The following CSMD2 variants were observed in gnomAD, a reference collection of about 807,000 sequenced individuals.
The protein encoded by CSMD2 is CUB and sushi domain-containing protein 2.
Under a neutral mutation model 398.5 loss-of-function variants are expected in CSMD2, and 130 were observed. The observed-to-expected ratio is 0.33, with a 90% CI of 0.28 to 0.38. The LOEUF (loss-of-function observed/expected upper bound fraction) is 0.38, where lower values mean the gene tolerates loss of function less well. Among genes scored for constraint, CSMD2 ranks in the 10% least tolerant of loss-of-function variants. The pLI is 1.00. For synonymous variants in CSMD2, 1,828 were observed against 1,908.5 expected (o/e 0.96, Z 1.10); for missense variants, 3,829 against 4,764.9 (o/e 0.80, Z 5.78).
intron 2 of CSMD2, among the ~76,000 whole-genome samples, chr1:34,057,354 T>C (rs530598396): frequency 6.6e-6 from 1 of 152,280 alleles, no homozygotes; most frequent in South Asian, 2.1e-4. Context: ...GGCAGGAAGC[T>C]TCCCTTTTCC....
intron 40 of CSMD2, among the ~76,000 whole-genome samples, chr1:33,612,220 T>C (rs1439131161): frequency 2.0e-5 from 3 of 152,168 alleles, no homozygotes; most frequent in Non-Finnish European, 2.9e-5. Flanking sequence ...AGATTATAGA[T>C]GGATTTTCAT....
At chr1:33,792,611 T>C in intron 10 of CSMD2, 85 bp from the exon 11 acceptor site, 1 of 868,756 alleles carries the variant, frequency 1.2e-6, no homozygotes, top group Non-Finnish European at 2.0e-6. Context: ...ATTTTCTGTG[T>C]TATGTCCCAA....
At chr1:33,661,117 G>A (rs973251037) in intron 26 of CSMD2, among the ~76,000 whole-genome samples, 31 of 152,312 alleles carry the variant, frequency 2.0e-4, no homozygotes, top group East Asian at 9.7e-4. Flanking sequence ...ACTCTGTCCC[G>A]CGTGGCTACA....
At chr1:33,958,861 CGTG>C (rs1490874740) in intron 3 of CSMD2, among the ~76,000 whole-genome samples, 1 of 151,968 alleles carries the variant, frequency 6.6e-6, no homozygotes, top group Non-Finnish European at 1.5e-5. Context: ...CTGCTATGTG[CGTG>C]GTGATTTTTT....
At chr1:34,162,868 T>A (rs551428759) in intron 1 of CSMD2, among the ~76,000 whole-genome samples, 3 of 151,706 alleles carry the variant, frequency 2.0e-5, no homozygotes, top group African/African-American at 7.3e-5. Flanking sequence ...TTAAAAAAAA[T>A]TTAAAAAGAA....
At chr1:34,081,802 C>T (rs1398905835) in intron 2 of CSMD2, among the ~76,000 whole-genome samples, 10 of 152,314 alleles carry the variant, frequency 6.6e-5, no homozygotes, top group South Asian at 4.1e-4. Flanking sequence ...CTGACATTGC[C>T]GCCTCTGCAT....
In CSMD2 at chr1:34,030,163, G is replaced by C. The variant is rs151256357; in HGVS notation, c.517+2431C>G. On this transcript the variant is annotated intron_variant, in intron 3 of 70. Coordinates refer to ENST00000373381, the MANE Select transcript of CSMD2 (RefSeq NM_001281956.2). ...TGTGGTTGCTGAACATTTGACACAAGGCTAGTGTGACTAAGAAACTGAATT... is the reference window on the plus strand; with the variant it reads ...TGTGGTTGCTGAACATTTGACACAACGCTAGTGTGACTAAGAAACTGAATT... 2.3e-3 allele frequency among the ~76,000 whole-genome samples: 353 copies of C among 152,292 alleles called. 3 individuals are homozygous for C. The highest frequency in any genetic ancestry group is 8.0e-3 in the African/African-American group (333 of 41,560).
chr1:33,680,374 T>C (rs1571203546), intron 25 of CSMD2, among the ~76,000 whole-genome samples: 1 of 152,136 alleles, frequency 6.6e-6, no homozygotes. Context: ...TTACGGCTCC[T>C]GCTTTCCCTG....
intron 1 of CSMD2, among the ~76,000 whole-genome samples, chr1:34,110,177 TAAA>T (rs1033103808): frequency 4.0e-5 from 6 of 151,726 alleles, no homozygotes; most frequent in Admixed American, 1.3e-4. Flanking sequence ...TGGCTACTAT[TAAA>T]AAGTAAAAAA....
intron 5 of CSMD2, among the ~76,000 whole-genome samples, chr1:33,858,323 C>G (rs1639240949): frequency 6.6e-6 from 1 of 152,180 alleles, no homozygotes; most frequent in Non-Finnish European, 1.5e-5. Flanking sequence ...ATTTAGATAA[C>G]TTTTTCTCCT....
chr1:34,096,475 C>T (rs1238319231), intron 1 of CSMD2, among the ~76,000 whole-genome samples: 11 of 150,368 alleles, frequency 7.3e-5, no homozygotes, highest in Non-Finnish European at 2.9e-5. Context: ...CAAATTGTCC[C>T]TCTTTGCAGA....
intron 3 of CSMD2, among the ~76,000 whole-genome samples, chr1:34,003,425 C>T (rs1427649968): frequency 6.6e-6 from 1 of 152,084 alleles, no homozygotes; most frequent in Admixed American, 6.6e-5. Context: ...AATAAATAAT[C>T]CCCATTACAC....
At chr1:33,851,494 C>G (rs951770523) in intron 5 of CSMD2, among the ~76,000 whole-genome samples, 1 of 152,192 alleles carries the variant, frequency 6.6e-6, no homozygotes, top group Admixed American at 6.5e-5. Context: ...CACCTTATCC[C>G]CACTCCCAAG....
At chr1:33,547,939 G>A (rs1459127389) in intron 56 of CSMD2, among the ~76,000 whole-genome samples, 1 of 152,240 alleles carries the variant, frequency 6.6e-6, no homozygotes, top group Non-Finnish European at 1.5e-5. Flanking sequence ...TTGGGGAAGA[G>A]ACCTGGTGAG....
chr1:33,582,610 T>C (rs956841447), intron 47 of CSMD2, among the ~76,000 whole-genome samples: 2 of 152,192 alleles, frequency 1.3e-5, no homozygotes, highest in African/African-American at 2.4e-5. Context: ...CAGAATATTA[T>C]AGAAAATGGA....
intron 32 of CSMD2, among the ~76,000 whole-genome samples, chr1:33,628,817 C>T (rs1642288339): frequency 6.6e-6 from 1 of 151,636 alleles, no homozygotes; most frequent in East Asian, 1.9e-4. Context: ...TAATTAACAA[C>T]AACAAAAAAA....
In CSMD2 at chr1:33,743,584, G is replaced by A; in HGVS notation, c.1869C>T (p.Thr623=). The part of the protein sequence containing the change: ...GCVFSCFFNF[T]SPSGVVLSPN... ...GAGACAGGACAACCCCAGACGGGCT[G>A]GTGAAGTTGAAGAAGCAGGAGACTG... The change falls in exon 14 of 71, where the codon ACC becomes ACT. Residue 623 remains threonine (T), a synonymous_variant. Coordinates refer to ENST00000373381, the MANE Select transcript of CSMD2 (RefSeq NM_001281956.2). 2.5e-6 allele frequency: 4 copies of A among 1,602,210 alleles called. No homozygotes were observed. Among genetic ancestry groups the A allele is most frequent in the Non-Finnish European group, 2.6e-6 (3 of 1,171,540 alleles).
Position 33,914,304 on chromosome 1 carries a change from A to G in CSMD2, c.920+3790T>C, listed in dbSNP as rs74069791. 2.7e-3 allele frequency among the ~76,000 whole-genome samples: 412 copies of G among 152,104 alleles called. 3 individuals are homozygous for G. Among genetic ancestry groups the G allele is most frequent in the African/African-American group, 9.4e-3 (389 of 41,492 alleles). On this transcript the variant is annotated intron_variant, in intron 5 of 70. Transcript: ENST00000373381. ...GGGGACAGGTGTGTACATGTGCTTA[A>G]GGTGGTCTGGGGGTGAGGGATGACT...
chr1:33,569,332 A>G (rs750709721), intron 52 of CSMD2, 42 bp downstream of exon 52: 2 of 1,574,612 alleles, frequency 1.3e-6, no homozygotes, highest in Admixed American at 1.8e-5. Flanking sequence ...ATCTATCTCA[A>G]GGAGAAAAAC....
Sources: allele counts gnomAD v4.1 joint callset (sites outside exome capture counted in the v4.1 genomes callset), GRCh38; gene constraint gnomAD v4.1.1; transcripts MANE v1.5; gene names NCBI Gene and HGNC (gene_info 2026-07-23, HGNC 2026-07-21).